TAF12: variants seen among roughly 807,000 people sequenced by gnomAD.
The protein encoded by TAF12 is TATA-box binding protein associated factor 12.
Under a neutral mutation model 20.8 loss-of-function variants are expected in TAF12, and 3 were observed. The observed-to-expected ratio is 0.14, with a 90% confidence interval of 0.07 to 0.37. The LOEUF (loss-of-function observed/expected upper bound fraction) is 0.37, where lower values mean the gene tolerates loss of function less well. TAF12 is among the 10% of genes least tolerant of loss of function. The pLI, the probability that TAF12 is intolerant of heterozygous loss-of-function variation, is 1.00. For synonymous variants in TAF12, 69 were observed against 70.2 expected (o/e 0.98, Z 0.09); for missense variants, 131 against 197.9 (o/e 0.66, Z 2.03).
At chr1:28,638,255 T>C (rs1191139529) in intron 1 of TAF12, among the ~76,000 whole-genome samples, 1 of 150,116 alleles carries the variant, frequency 6.7e-6, no homozygotes, top group African/African-American at 2.5e-5. Context: ...AAAGGGGCAA[T>C]CTCAGTTCAC....
chr1:28,646,561 G>A (rs568147285), upstream of TAF12, among the ~76,000 whole-genome samples: 10 of 151,752 alleles, frequency 6.6e-5, no homozygotes, highest in Non-Finnish European at 1.3e-4. Context: ...GACGGAGTTC[G>A]CTCTTGTTGC....
intron 1 of TAF12, among the ~76,000 whole-genome samples, chr1:28,634,286 C>T (rs1240073899): frequency 6.6e-6 from 1 of 151,646 alleles, no homozygotes; most frequent in Non-Finnish European, 1.5e-5. Context: ...CGTGGTGGCG[C>T]TTGCCTGTAA....
At chr1:28,634,277 G>C (rs1029329740) in intron 1 of TAF12, among the ~76,000 whole-genome samples, 1 of 151,682 alleles carries the variant, frequency 6.6e-6, no homozygotes, top group African/African-American at 2.4e-5. Flanking sequence ...TTAGCCAGGC[G>C]TGGTGGCGCT....
At chr1:28,605,339 C>T (rs1467003211) in intron 5 of TAF12, 33 bp downstream of exon 5, 16 of 1,611,722 alleles carry the variant, frequency 9.9e-6, no homozygotes, top group Non-Finnish European at 1.2e-5. Context: ...GGAATCAGCC[C>T]TGGCTGTCCC....
At chr1:28,640,540 T>C (rs1667996883) in intron 1 of TAF12, among the ~76,000 whole-genome samples, 1 of 152,136 alleles carries the variant, frequency 6.6e-6, no homozygotes, top group Admixed American at 6.6e-5. Context: ...ACTGACAATA[T>C]CTAACTTGTG....
At chr1:28,625,839 C>A (rs1383569928) in intron 1 of TAF12, among the ~76,000 whole-genome samples, 1 of 150,858 alleles carries the variant, frequency 6.6e-6, no homozygotes, top group Non-Finnish European at 1.5e-5. Context: ...CCGCGCCTGG[C>A]CCCAGCTAAT....
At chr1:28,633,912 C>CAAAA (rs34756071) in intron 1 of TAF12, among the ~76,000 whole-genome samples, 1 of 47,514 alleles carries the variant, frequency 2.1e-5, no homozygotes, top group Non-Finnish European at 4.2e-5. Flanking sequence ...AACTCCATCT[C>CAAAA]AAAAAAAAAA....
intron 1 of TAF12, chr1:28,623,846 T>TA (rs1364911933): frequency 4.7e-5 from 22 of 469,794 alleles, no homozygotes; most frequent in South Asian, 9.2e-5. Context: ...TCCTGAATCT[T>TA]AGAGTCATGA....
chr1:28,629,478 C>A lies in TAF12; in HGVS notation c.-84-7313G>T, dbSNP rs1318957672. On this transcript the variant is annotated intron_variant, in intron 1 of 5. Coordinates refer to ENST00000373824, the MANE Select transcript of TAF12 (RefSeq NM_005644.4). Reference sequence around the variant, plus strand: ...CAGCCTGAGCATCTGGGATTACAGGCACGTACTACCACGCCTGGCTAATTT... The same window carrying A: ...CAGCCTGAGCATCTGGGATTACAGGAACGTACTACCACGCCTGGCTAATTT... Among the ~76,000 whole-genome samples, 6 of 152,164 alleles carry A rather than the reference C, an allele frequency of 3.9e-5. No individual in the cohort carries two copies. In the South Asian group the frequency reaches 8.3e-4, roughly 21 times the overall value.
rs2124372083 is a variant in TAF12 at position 28,633,458 on chromosome 1, G to C, written c.-85+9534C>G. ...GCTGGGATTACAGGCATGAGACACTGTATCCAACCGAAAATAAATTTTAAA... is the reference window on the plus strand; with the variant it reads ...GCTGGGATTACAGGCATGAGACACTCTATCCAACCGAAAATAAATTTTAAA... On this transcript the variant is annotated intron_variant, in intron 1 of 5. Coordinates refer to ENST00000373824, the MANE Select transcript of TAF12 (RefSeq NM_005644.4). 2.0e-5 allele frequency among the ~76,000 whole-genome samples: 3 copies of C among 149,956 alleles called. No homozygotes were observed. In the East Asian group the frequency reaches 6.2e-4, roughly 31 times the overall value.
chr1:28,641,630 C>CA (rs1239991950), intron 1 of TAF12, among the ~76,000 whole-genome samples: 1 of 151,850 alleles, frequency 6.6e-6, no homozygotes, highest in African/African-American at 2.4e-5. Flanking sequence ...CCTGTTTCTA[C>CA]AAAAAATTTA....
At chr1:28,621,815 GA>G in intron 2 of TAF12, 98 bp downstream of exon 2, 3 of 1,504,942 alleles carry the variant, frequency 2.0e-6, no homozygotes, top group Middle Eastern at 1.8e-4. Context: ...TCGGCTAAGA[GA>G]AAAAAGCAGC....
chr1:28,607,039 A>G (rs1666689432), intron 4 of TAF12, among the ~76,000 whole-genome samples: 1 of 152,248 alleles, frequency 6.6e-6, no homozygotes, highest in Non-Finnish European at 1.5e-5. Flanking sequence ...GGTTATCACA[A>G]GAAGTTCCCA....
intron 3 of TAF12, among the ~76,000 whole-genome samples, chr1:28,616,660 C>CG (rs1667052886): frequency 6.7e-6 from 1 of 148,826 alleles, no homozygotes; most frequent in South Asian, 2.1e-4. Context: ...CTTGAACCCC[C>CG]GGGATGCAGA....
chr1:28,638,713 T>C (rs1570341874), intron 1 of TAF12, among the ~76,000 whole-genome samples: 2 of 144,448 alleles, frequency 1.4e-5, no homozygotes, highest in African/African-American at 2.6e-5. Context: ...CTCGAACTCC[T>C]GACCTCAGGT....
At chr1:28,617,902 G>T in intron 3 of TAF12, 51 bp downstream of exon 3, 1 of 1,533,212 alleles carries the variant, frequency 6.5e-7, no homozygotes, top group Non-Finnish European at 9.0e-7. Flanking sequence ...TAACCACTAT[G>T]CTATACCGGT....
At chr1:28,624,038 T>A (rs912655297) in intron 1 of TAF12, 28 of 985,414 alleles carry the variant, frequency 2.8e-5, no homozygotes, top group Non-Finnish European at 3.4e-5. Context: ...TACCTGTAAA[T>A]GAACAACTGG....
chr1:28,618,463 G>C (rs1213632007), intron 2 of TAF12, among the ~76,000 whole-genome samples: 2 of 151,478 alleles, frequency 1.3e-5, no homozygotes, highest in Admixed American at 1.3e-4. Context: ...CTGTAGCCTT[G>C]ACTGCCAAGC....
chr1:28,636,220 A>C (rs1407545312), intron 1 of TAF12, among the ~76,000 whole-genome samples: 2 of 152,338 alleles, frequency 1.3e-5, no homozygotes, highest in Middle Eastern at 6.8e-3. Flanking sequence ...AGTATAGGCC[A>C]CATGTGGGAC....
Sources: gnomAD v4.1 joint callset for allele counts (sites outside exome capture counted in the v4.1 genomes callset) on GRCh38, gnomAD v4.1.1 for gene constraint, MANE v1.5 for transcripts, NCBI Gene and HGNC (gene_info 2026-07-23, HGNC 2026-07-21) for gene names.